The following B4GALT4 variants were observed in gnomAD, a reference collection of about 807,000 sequenced individuals.
The protein encoded by B4GALT4 is N-acetyllactosamine synthase.
Under a neutral mutation model 37.3 loss-of-function variants are expected in B4GALT4, and 27 were observed. The observed-to-expected ratio is 0.72, with a 90% CI of 0.53 to 1.00. The LOEUF (loss-of-function observed/expected upper bound fraction) is 1.00. Among genes scored for constraint, B4GALT4 ranks in the 50% least tolerant of loss-of-function variants. The pLI, the probability that B4GALT4 is intolerant of heterozygous loss-of-function variation, is 0.00. For missense variants in B4GALT4, 372 were observed against 413.1 expected, an observed-to-expected ratio of 0.90 and a Z score of 0.86; for synonymous variants, 148 against 154.1, an observed-to-expected ratio of 0.96 and a Z score of 0.29.
At chr3:119,237,779 G>A (rs531650549) in intron 1 of B4GALT4, among the ~76,000 whole-genome samples, 2 of 152,226 alleles carry the variant, frequency 1.3e-5, no homozygotes, top group African/African-American at 4.8e-5. Context: ...AATCAGAGAG[G>A]TATACCATGA....
At chr3:119,230,329 T>A (rs942823537) in intron 2 of B4GALT4, 85 bp from the exon 3 acceptor site, 15 of 577,406 alleles carry the variant, frequency 2.6e-5, no homozygotes, top group Admixed American at 1.6e-4. Context: ...TGAAAACCCA[T>A]CCCCGATGGA....
intron 3 of B4GALT4, among the ~76,000 whole-genome samples, chr3:119,228,973 C>G (rs895225521): frequency 7.0e-5 from 10 of 143,290 alleles, no homozygotes; most frequent in Non-Finnish European, 1.5e-5. Context: ...CCTGACCATG[C>G]TGGCACCCTG....
Position 119,229,851 on chromosome 3 carries a change from G to A in B4GALT4, c.249C>T (p.Tyr83=), listed in dbSNP as rs1311076852. The change falls in exon 3 of 8, where the codon TAC becomes TAT. Residue 83 remains tyrosine (Y), a synonymous_variant. Coordinates refer to ENST00000393765, the MANE Select transcript of B4GALT4 (RefSeq NM_003778.4). Reference sequence around the variant, plus strand: ...AAGGAAAAAAGCAACACTTACTGAGGTAAGGAGACACAGAAGGGCAGTTGT... The same window carrying A: ...AAGGAAAAAAGCAACACTTACTGAGATAAGGAGACACAGAAGGGCAGTTGT... ...ELDNCPSVSP[Y]LRGQSKLIFK... The A allele has an allele frequency of 6.2e-7, 1 of 1,614,096 alleles. No homozygotes were observed. The highest frequency in any genetic ancestry group is 2.2e-5 in the East Asian group (1 of 44,886).
At position 119,212,668 on chromosome 3, in the gene B4GALT4, G is replaced by T. The variant is rs778260430; in HGVS notation, c.916C>A (p.His306Asn). The T allele has an allele frequency of 2.5e-6, 4 of 1,599,800 alleles. No homozygotes were observed. In the South Asian group the frequency reaches 4.6e-5, roughly 18 times the overall value. ...GTTCTCCAGACTCGTGACACTTGGT[G>T]TAAGAGCTTCATCCTAAAGATAAAA... is the stretch of plus-strand genomic sequence containing the variant. The part of the protein sequence containing the change: ...EVNAERMKLL[H>N]QVSRVWRTDG... Residue 306 changes from histidine to asparagine, a missense_variant, in exon 8 of 8, where the codon CAC (histidine) becomes AAC (asparagine). By Grantham distance (68) the His-to-Asn change is moderately conservative (BLOSUM62 1). Coordinates refer to ENST00000393765, the MANE Select transcript of B4GALT4 (RefSeq NM_003778.4).
In B4GALT4 at chr3:119,216,247, C is replaced by T. The variant is rs781600054; in HGVS notation, c.895G>A (p.Ala299Thr). The T allele has an allele frequency of 3.1e-6, 5 of 1,611,436 alleles. No homozygotes were observed. The highest frequency in any genetic ancestry group is 1.1e-5 in the South Asian group (1 of 90,684). The change falls in exon 7 of 8, where the codon GCA becomes ACA. Residue 299 changes from alanine to threonine, a missense_variant. Ala to Thr is a moderately conservative substitution (Grantham distance 58). Transcript: ENST00000393765. Reference sequence around the variant, plus strand: ...GGTGAAGCCAGGACTTACCGTTCTGCGTTCACCTCATTGCCTTTGTCTCTA... The same window carrying T: ...GGTGAAGCCAGGACTTACCGTTCTGTGTTCACCTCATTGCCTTTGTCTCTA... ...HTRDKGNEVN[A>T]ERMKLLHQVS...
chr3:119,220,082 G>C (rs947798643), intron 5 of B4GALT4, among the ~76,000 whole-genome samples: 3 of 152,132 alleles, frequency 2.0e-5, no homozygotes, highest in Admixed American at 1.3e-4. Context: ...GAAAAGACTG[G>C]GGACTCTGTT....
At chr3:119,234,088 T>C (rs1366231736) in intron 2 of B4GALT4, among the ~76,000 whole-genome samples, 2 of 152,174 alleles carry the variant, frequency 1.3e-5, no homozygotes, top group Non-Finnish European at 2.9e-5. Context: ...AAGTACACTG[T>C]TATATCTGGT....
chr3:119,225,656 TA>T (rs1318641880), intron 4 of B4GALT4, among the ~76,000 whole-genome samples: 43 of 152,252 alleles, frequency 2.8e-4, no homozygotes, highest in African/African-American at 1.0e-3. Flanking sequence ...CTCAAACTCC[TA>T]TCCTCAAGTG....
In B4GALT4 at chr3:119,229,949, A is replaced by T. The variant is rs2078755653; in HGVS notation, c.151T>A (p.Phe51Ile). Residue 51 changes from phenylalanine (F) to isoleucine (I), a missense_variant, in exon 3 of 8, where the codon TTC becomes ATC. Coordinates refer to ENST00000393765, the MANE Select transcript of B4GALT4 (RefSeq NM_003778.4). Reference sequence around the variant, plus strand: ...TTCCCCAAAATGAGGGTCTTATGGAAATTAGCCATGAACTCCTTTGCTTTA... The same window carrying T: ...TTCCCCAAAATGAGGGTCTTATGGATATTAGCCATGAACTCCTTTGCTTTA... ...IPKAKEFMAN[F>I]HKTLILGKGK... 1.9e-6 allele frequency: 3 copies of T among 1,614,140 alleles called. No individual in the cohort carries two copies. Among genetic ancestry groups the T allele is most frequent in the Non-Finnish European group, 2.5e-6 (3 of 1,180,026 alleles).
chr3:119,232,326 T>C (rs1224822939), intron 2 of B4GALT4: 2 of 152,254 alleles, frequency 1.3e-5, no homozygotes, highest in African/African-American at 4.8e-5. Context: ...TATTAACCTA[T>C]GTAATTCTCA....
chr3:119,238,781 G>A (rs1021408569), intron 1 of B4GALT4, among the ~76,000 whole-genome samples: 1 of 152,084 alleles, frequency 6.6e-6, no homozygotes, highest in Non-Finnish European at 1.5e-5. Flanking sequence ...TAAGGAGGAC[G>A]ACTGTACATT....
intron 4 of B4GALT4, among the ~76,000 whole-genome samples, chr3:119,226,309 T>C (rs187767950): frequency 6.6e-6 from 1 of 152,290 alleles, no homozygotes; most frequent in African/African-American, 2.4e-5. Flanking sequence ...AAATCAAACA[T>C]AATATGTTTC....
At chr3:119,233,306 G>A (rs2078882319) in intron 2 of B4GALT4, among the ~76,000 whole-genome samples, 1 of 152,152 alleles carries the variant, frequency 6.6e-6, no homozygotes, top group African/African-American at 2.4e-5. Context: ...CGGGGTACAT[G>A]GGAAATCTCT....
In B4GALT4 at chr3:119,226,523, G is replaced by T. The variant is rs571436698; in HGVS notation, c.486+286C>A. ...AAACAGAAGGGGCCAGGAAGCCTCC[G>T]GGGAAATCTGAGGGCAGTCATTGGC... On this transcript the variant is annotated intron_variant, in intron 4 of 7. Transcript: ENST00000393765. 1.9e-5 allele frequency: 8 copies of T among 418,290 alleles called. No homozygotes were observed. In the East Asian group the frequency reaches 2.5e-4, roughly 13 times the overall value. The allele number at this position is 418,290 out of a possible 1,614,324, so 25.9% of individuals were successfully genotyped here.
intron 2 of B4GALT4, 154 bp from the exon 3 acceptor site, chr3:119,230,398 G>T: frequency 2.9e-6 from 1 of 348,170 alleles, no homozygotes; most frequent in South Asian, 3.6e-5. Context: ...GAAAACCAGA[G>T]GTTTTAGAGG....
At chr3:119,218,808 T>A in intron 5 of B4GALT4, 36 bp from the exon 6 acceptor site, 1 of 1,612,158 alleles carries the variant, frequency 6.2e-7, no homozygotes, top group Non-Finnish European at 8.5e-7. Context: ...GGTAAGAATA[T>A]TCGCACCAAA....
At chr3:119,238,038 G>A (rs1035097585) in intron 1 of B4GALT4, among the ~76,000 whole-genome samples, 7 of 152,020 alleles carry the variant, frequency 4.6e-5, no homozygotes, top group Admixed American at 6.5e-5. Context: ...AGGCCGAGGC[G>A]GGAGGATCAC....
At chr3:119,226,733 G>T in intron 4 of B4GALT4, 76 bp downstream of exon 4, 2 of 1,287,148 alleles carry the variant, frequency 1.6e-6, no homozygotes, top group Non-Finnish European at 2.2e-6. Context: ...ACCCAACATA[G>T]ACAAACAGTC....
intron 2 of B4GALT4, among the ~76,000 whole-genome samples, chr3:119,234,005 G>C (rs1168703704): frequency 1.3e-5 from 2 of 152,156 alleles, no homozygotes; most frequent in African/African-American, 4.8e-5. Context: ...TCACCGTTGT[G>C]TCCCAGCTAT....
Sources: gnomAD v4.1 joint callset for allele counts (sites outside exome capture counted in the v4.1 genomes callset) on GRCh38, gnomAD v4.1.1 for gene constraint, MANE v1.5 for transcripts, NCBI Gene and HGNC (gene_info 2026-07-23, HGNC 2026-07-21) for gene names.